ITGB2: variants seen among roughly 807,000 people sequenced by gnomAD.
The protein encoded by ITGB2 is integrin subunit beta 2, also known as integrin beta-2.
A neutral mutation model predicts 86.8 loss-of-function variants in ITGB2; 56 were observed. That is an observed-to-expected ratio of 0.65 (90% CI 0.52 to 0.81). The LOEUF (loss-of-function observed/expected upper bound fraction) is 0.81. ITGB2 is among the 30% of genes least tolerant of loss of function. ITGB2 has a pLI of 0.00. For missense variants in ITGB2, 948 were observed against 1,061.2 expected, an observed-to-expected ratio of 0.89 and a Z score of 1.48; for synonymous variants, 457 against 450.4, an observed-to-expected ratio of 1.01 and a Z score of -0.19.
chr21:44,925,743 C>T (rs1443363705), upstream of ITGB2, among the ~76,000 whole-genome samples: 1 of 152,174 alleles, frequency 6.6e-6, no homozygotes, highest in Non-Finnish European at 1.5e-5. Context: ...ATGCCAACTC[C>T]GAGATAATCC....
intron 1 of ITGB2, among the ~76,000 whole-genome samples, chr21:44,926,596 G>A (rs139344033): frequency 6.6e-6 from 1 of 152,322 alleles, no homozygotes; most frequent in East Asian, 1.9e-4. Context: ...GGACTGAGGA[G>A]TCCGTCCCTA....
At chr21:44,924,600 A>ATATTC (rs1205995127), upstream of ITGB2, among the ~76,000 whole-genome samples, 4 of 152,214 alleles carry the variant, frequency 2.6e-5, no homozygotes, top group African/African-American at 9.7e-5. Context: ...AAATAACCAC[A>ATATTC]TATTCTAAAG....
chr21:44,902,423 G>T (rs2083975089), intron 5 of ITGB2, among the ~76,000 whole-genome samples: 1 of 151,858 alleles, frequency 6.6e-6, no homozygotes, highest in Admixed American at 6.5e-5. Context: ...ATACATTCGC[G>T]TGTGTGAGCA....
chr21:44,901,902 C>T (rs1225270552), intron 5 of ITGB2, 169 bp from the exon 6 acceptor site: 2 of 733,082 alleles, frequency 2.7e-6, no homozygotes, highest in Non-Finnish European at 4.4e-6. Context: ...TGTGCAAGCA[C>T]ACATGTGAAC....
At chr21:44,897,134 A>G (rs1306775783) in intron 8 of ITGB2, among the ~76,000 whole-genome samples, 3 of 152,092 alleles carry the variant, frequency 2.0e-5, no homozygotes, top group African/African-American at 7.2e-5. Context: ...TGTCTCCCGC[A>G]GGGTCCTGCT....
At chr21:44,892,513 A>C (rs2083801177) in intron 10 of ITGB2, among the ~76,000 whole-genome samples, 1 of 148,770 alleles carries the variant, frequency 6.7e-6, no homozygotes, top group Non-Finnish European at 1.5e-5. Flanking sequence ...CCAGCTACTC[A>C]GGAGGCTGAG....
In ITGB2 at chr21:44,893,502, C is replaced by A; in HGVS notation, c.1126G>T (p.Asp376Tyr). The stretch of plus-strand genomic sequence containing the variant: ...GAGTCGTAGGTGACTTTCAGGGTGT[C>A]GGGGAGGGCGTTGTGATCCAGGAAG... ...RVFLDHNALP[D>Y]TLKVTYDSFC... The change falls in exon 10 of 16, where the codon GAC (aspartate) becomes TAC (tyrosine). Residue 376 changes from aspartate (D) to tyrosine (Y), a missense_variant. Transcript: ENST00000652462. 6.2e-7 allele frequency: 1 copy of A among 1,614,028 alleles called. No homozygotes were observed. Among genetic ancestry groups the A allele is most frequent in the South Asian group, 1.1e-5 (1 of 91,062 alleles).
upstream of ITGB2, among the ~76,000 whole-genome samples, chr21:44,925,422 GGGAAGGAAGGAA>G (rs71334040): frequency 5.4e-3 from 297 of 54,722 alleles, 2 homozygotes; most frequent in East Asian, 0.028. Context: ...GAGGGAGGGA[GGGAAGGAAGGAA>G]GGAAGGAAGG....
At chr21:44,907,882 C>A in intron 3 of ITGB2, 1 of 589,924 alleles carries the variant, frequency 1.7e-6, no homozygotes, top group Non-Finnish European at 3.1e-6. Flanking sequence ...CTTTTGGAAC[C>A]ACAGAATTTT....
chr21:44,889,945 C>T (rs376438520), intron 12 of ITGB2, 33 bp downstream of exon 12: 50 of 1,611,668 alleles, frequency 3.1e-5, no homozygotes, highest in Non-Finnish European at 4.2e-5. Context: ...TGCCGCAGGA[C>T]GGCCGTTGTC....
At chr21:44,903,671 C>T (rs533104311) in intron 4 of ITGB2, 136 bp from the exon 5 acceptor site, 16 of 991,720 alleles carry the variant, frequency 1.6e-5, no homozygotes, top group African/African-American at 4.8e-5. Context: ...CCCCTCTCCC[C>T]GCCTGGCAGG....
intron 15 of ITGB2, 105 bp downstream of exon 15, chr21:44,886,631 G>A (rs2083702295): frequency 9.8e-6 from 15 of 1,535,800 alleles, no homozygotes; most frequent in South Asian, 5.6e-5. Context: ...TGGGGAGGCC[G>A]GGGTGCAGCC....
intron 1 of ITGB2, among the ~76,000 whole-genome samples, chr21:44,918,460 C>T (rs1015248757): frequency 2.0e-4 from 30 of 152,342 alleles, no homozygotes; most frequent in Middle Eastern, 3.4e-3. Flanking sequence ...TCAAGTTACA[C>T]GGTTGACTAT....
Position 44,886,857 on chromosome 21 carries a change from A to C in ITGB2, c.2126T>G (p.Val709Gly), listed in dbSNP as rs770261742. Residue 709 changes from valine (V) to glycine (G), a missense_variant, in exon 15 of 16, where the codon GTG becomes GGG. Transcript: ENST00000652462. ...PNIAAIVGGT[V>G]AGIVLIGILL... ...AATGCCGATCAGCACGATGCCTGCC[A>C]CGGTGCCCCCGACGATGGCGGCGAT... is the stretch of plus-strand genomic sequence containing the variant. 1 of 1,613,548 alleles carries C rather than the reference A, an allele frequency of 6.2e-7. No homozygotes were observed. Among genetic ancestry groups the C allele is most frequent in the East Asian group, 2.2e-5 (1 of 44,876 alleles).
At position 44,889,264 on chromosome 21, in the gene ITGB2, G is replaced by T. The variant is rs200144784; in HGVS notation, c.1877+12C>A. On this transcript the variant is annotated intron_variant, in intron 13 of 15. Coordinates refer to ENST00000652462, the MANE Select transcript of ITGB2 (RefSeq NM_000211.5). ...GATCCCTGCCCGCCCTGCCTGCTCC[G>T]CCTGCACTCACATGTACTTGCCACA... 2.5e-6 allele frequency: 4 copies of T among 1,611,482 alleles called. No homozygotes were observed. The highest frequency in any genetic ancestry group is 3.4e-6 in the Non-Finnish European group (4 of 1,178,926).
upstream of ITGB2, among the ~76,000 whole-genome samples, chr21:44,922,658 G>GAAAAA (rs10532717): frequency 8.7e-6 from 1 of 114,706 alleles, no homozygotes; most frequent in African/African-American, 2.9e-5. Flanking sequence ...GGGTAACTGA[G>GAAAAA]AAAAAAAAAA....
At chr21:44,902,607 G>C (rs1221784399) in intron 5 of ITGB2, among the ~76,000 whole-genome samples, 1 of 152,164 alleles carries the variant, frequency 6.6e-6, no homozygotes, top group Non-Finnish European at 1.5e-5. Flanking sequence ...ATTCGCGTGT[G>C]TGAGCATCCA....
At chr21:44,922,658 GAA>G (rs10532717), upstream of ITGB2, among the ~76,000 whole-genome samples, 54,824 of 114,410 alleles carry the variant, frequency 0.48, 10,692 homozygotes, top group Middle Eastern at 0.57. Context: ...GGGTAACTGA[GAA>G]AAAAAAAAAA....
chr21:44,895,832 C>CAATAA (rs200647510), intron 8 of ITGB2, among the ~76,000 whole-genome samples: 1 of 144,078 alleles, frequency 6.9e-6, no homozygotes, highest in Non-Finnish European at 1.5e-5. Flanking sequence ...AACTCTGTCT[C>CAATAA]AATAAAATAA....
Sources: gnomAD v4.1 joint callset for allele counts (sites outside exome capture counted in the v4.1 genomes callset) on GRCh38, gnomAD v4.1.1 for gene constraint, MANE v1.5 for transcripts, NCBI Gene and HGNC (gene_info 2026-07-23, HGNC 2026-07-21) for gene names.